PRDM10: variants seen among roughly 807,000 people sequenced by gnomAD.
PRDM10 encodes the protein PR domain zinc finger protein 10.
Under a neutral mutation model 133.1 loss-of-function variants are expected in PRDM10, and 65 were observed. The observed-to-expected ratio is 0.49, with a 90% confidence interval of 0.40 to 0.60. The LOEUF is 0.60. Among genes scored for constraint, PRDM10 ranks in the 20% least tolerant of loss-of-function variants. The pLI is 0.00. For synonymous variants in PRDM10, 582 were observed against 580.4 expected, an observed-to-expected ratio of 1.00 and a Z score of -0.04; for missense variants, 1,137 against 1,507.1, an observed-to-expected ratio of 0.75 and a Z score of 4.07.
In PRDM10 at chr11:129,923,516, A is replaced by G; in HGVS notation, c.1879-113T>C. The G allele has an allele frequency of 3.4e-6, 4 of 1,172,778 alleles. No individual in the cohort carries two copies. The highest frequency in any genetic ancestry group is 4.6e-6 in the Non-Finnish European group (4 of 862,522). The allele number at this position is 1,172,778 out of a possible 1,614,324, so 72.6% of individuals were successfully genotyped here. A position where few individuals can be genotyped will look rare whatever the true frequency, so the allele number is the denominator to read the frequency against. ...AACGCATTACCATGGGTTTTCATCAACCCCGCCGAGGAATCCAATCAGATG... is the reference window on the plus strand; with the variant it reads ...AACGCATTACCATGGGTTTTCATCAGCCCCGCCGAGGAATCCAATCAGATG... On this transcript the variant is annotated intron_variant, in intron 12 of 20. Transcript: ENST00000360871. This position sits in a 1 kb window ranked among gnomAD's most constrained non-coding sequence, Gnocchi z 4.4.
At chr11:129,991,181 G>GT (rs1490841059) in intron 1 of PRDM10, among the ~76,000 whole-genome samples, 3 of 152,188 alleles carry the variant, frequency 2.0e-5, no homozygotes, top group Non-Finnish European at 2.9e-5. Flanking sequence ...TATTTAAATT[G>GT]TGAGGACCAT....
intron 1 of PRDM10, among the ~76,000 whole-genome samples, chr11:129,977,075 T>C (rs1283722335): frequency 6.6e-6 from 1 of 152,032 alleles, no homozygotes; most frequent in Admixed American, 6.6e-5. Flanking sequence ...GGTGGCCTTC[T>C]TCTCTACACC....
Position 129,932,152 on chromosome 11 carries a change from G to T in PRDM10, c.1237C>A (p.Arg413Ser). ...RRPGRPPKFI[R>S]LEITSENGEK... ...CCATTTTCGCTGGTGATTTCCAGGC[G>T]GATAAATTTTGGAGGACGCCCCGGC... The change falls in exon 10 of 21, where the codon CGC becomes AGC. Residue 413 changes from arginine to serine, a missense_variant. Coordinates refer to ENST00000360871, the MANE Select transcript of PRDM10 (RefSeq NM_199437.2). The T allele has an allele frequency of 6.2e-7, 1 of 1,614,026 alleles. No individual in the cohort carries two copies. The highest frequency in any genetic ancestry group is 8.5e-7 in the Non-Finnish European group (1 of 1,179,990).
intron 11 of PRDM10, among the ~76,000 whole-genome samples, chr11:129,925,512 G>A (rs1346181253): frequency 6.6e-6 from 1 of 152,174 alleles, no homozygotes; most frequent in Non-Finnish European, 1.5e-5. Flanking sequence ...CAAAAAAAGT[G>A]TTCCCAATAG....
chr11:129,932,130 T>C lies in PRDM10; in HGVS notation c.1259A>G (p.Asn420Ser). ...TGTCCCATCGTCACTCTTTTCCCCA[T>C]TTTCGCTGGTGATTTCCAGGCGGAT... Reference protein sequence around the residue: ...KFIRLEITSENGEKSDDGTQD... With the variant: ...KFIRLEITSESGEKSDDGTQD... Residue 420 changes from asparagine to serine, a missense_variant, in exon 10 of 21, where the codon AAT (asparagine) becomes AGT (serine). Physicochemically the swap from Asn to Ser is conservative, Grantham distance 46. Coordinates refer to ENST00000360871, the MANE Select transcript of PRDM10 (RefSeq NM_199437.2). 6.2e-7 allele frequency: 1 copy of C among 1,614,024 alleles called. No individual in the cohort carries two copies. The highest frequency in any genetic ancestry group is 8.5e-7 in the Non-Finnish European group (1 of 1,179,956).
chr11:129,935,982 TTG>T (rs1467823647), intron 8 of PRDM10, among the ~76,000 whole-genome samples: 6 of 152,182 alleles, frequency 3.9e-5, no homozygotes, highest in Non-Finnish European at 7.3e-5. Context: ...AAGCTCAACC[TTG>T]TAATTAGAAA....
intron 1 of PRDM10, among the ~76,000 whole-genome samples, chr11:129,987,722 C>T (rs1030411251): frequency 5.9e-5 from 9 of 152,098 alleles, no homozygotes; most frequent in African/African-American, 1.9e-4. Flanking sequence ...ATGAAGACGC[C>T]GGGTGTGGTG....
chr11:129,910,568 C>T lies in PRDM10; in HGVS notation c.3071G>A (p.Gly1024Glu). The T allele has an allele frequency of 6.2e-7, 1 of 1,613,910 alleles. No individual in the cohort carries two copies. The highest frequency in any genetic ancestry group is 8.5e-7 in the Non-Finnish European group (1 of 1,179,904). The stretch of plus-strand genomic sequence containing the variant: ...CTGCTGCTGCTGCTGCAGAGCCTGC[C>T]CCTGTGTGGAAGAACTGCCCTGGAT... Reference protein sequence around the residue: ...SHIQGSSSTQGQALQQQQQQQ... With the variant: ...SHIQGSSSTQEQALQQQQQQQ... The change falls in exon 19 of 21, where the codon GGG becomes GAG. Residue 1024 changes from glycine (G) to glutamate (E), a missense_variant. Physicochemically the swap from Gly to Glu is moderately conservative, Grantham distance 98. Transcript: ENST00000360871.
At chr11:130,001,100 T>C (rs1330548411) in intron 1 of PRDM10, among the ~76,000 whole-genome samples, 1 of 152,104 alleles carries the variant, frequency 6.6e-6, no homozygotes, top group African/African-American at 2.4e-5. Flanking sequence ...AGAGACCCTG[T>C]CTCCTAAATA....
At chr11:129,983,188 G>C (rs973120214) in intron 1 of PRDM10, among the ~76,000 whole-genome samples, 4 of 151,916 alleles carry the variant, frequency 2.6e-5, no homozygotes, top group Non-Finnish European at 5.9e-5. Context: ...ATGTTGGCCA[G>C]ACTGGTCTCG....
chr11:129,967,226 T>TA (rs927628631), intron 1 of PRDM10, among the ~76,000 whole-genome samples: 50 of 151,570 alleles, frequency 3.3e-4, no homozygotes, highest in African/African-American at 1.2e-3. Context: ...CCATCTCTAC[T>TA]AAAAAAAATA....
chr11:129,902,149 G>T lies in PRDM10; in HGVS notation c.*164C>A. The stretch of plus-strand genomic sequence containing the variant: ...TTTGAAGAGTCAATTTGATAAAGAT[G>T]ACCTTGGCAAAATAAACCCCAGTGT... On this transcript the variant is annotated 3_prime_UTR_variant, in exon 21 of 21. Transcript: ENST00000360871. 1 of 941,040 alleles carries T rather than the reference G, an allele frequency of 1.1e-6. No individual in the cohort carries two copies. The highest frequency in any genetic ancestry group is 1.5e-6 in the Non-Finnish European group (1 of 658,710). 58.3% of individuals were successfully genotyped at this position (941,040 alleles called of 1,614,324 possible).
At chr11:129,993,493 CTTT>C (rs562076430) in intron 1 of PRDM10, among the ~76,000 whole-genome samples, 1 of 151,194 alleles carries the variant, frequency 6.6e-6, no homozygotes, top group Non-Finnish European at 1.5e-5. Flanking sequence ...ATTACACTAT[CTTT>C]TTTTTTGAGA....
intron 7 of PRDM10, 56 bp downstream of exon 7, chr11:129,942,370 G>A (rs1476252763): frequency 6.6e-7 from 1 of 1,525,368 alleles, no homozygotes. Context: ...ATTGCAAAAA[G>A]CCCTAAACAA....
intron 11 of PRDM10, among the ~76,000 whole-genome samples, chr11:129,927,240 A>G (rs1422643940): frequency 6.8e-6 from 1 of 147,580 alleles, no homozygotes; most frequent in Non-Finnish European, 1.5e-5. Context: ...CAAATCAGCC[A>G]CAGGGCTTGC....
rs1377372874 is a variant in PRDM10, at chr11:129,918,721, A to G, written c.2035-3T>C. ...TGTTCCCGTAGTTTGTCTTTTCGCT[A>G]TTTGGAGAGTATTTTTGAAAACGGG... On this transcript the variant is annotated splice_polypyrimidine_tract_variant and splice_region_variant and intron_variant, in intron 13 of 20. Transcript: ENST00000360871. This position sits in a 1 kb window ranked among gnomAD's most constrained non-coding sequence, Gnocchi z 5.3. 4 of 1,601,442 alleles carry G rather than the reference A, an allele frequency of 2.5e-6. No individual in the cohort carries two copies. In the East Asian group the frequency reaches 6.7e-5, roughly 27 times the overall value.
At chr11:129,929,288 G>A in intron 11 of PRDM10, 2 of 835,308 alleles carry the variant, frequency 2.4e-6, no homozygotes, top group Non-Finnish European at 3.6e-6. Context: ...TCATTAATTT[G>A]CATTTACTGT....
chr11:129,913,809 C>A lies in PRDM10; in HGVS notation c.2841+895G>T, dbSNP rs181650710. On this transcript the variant is annotated intron_variant, in intron 17 of 20. Coordinates refer to ENST00000360871, the MANE Select transcript of PRDM10 (RefSeq NM_199437.2). ...ATGTTAGTTTTAAATTTTCAGAGAC[C>A]AAATGATTTCAAAGCAACAAGTTTG... Among the ~76,000 whole-genome samples the A allele has an allele frequency of 3.2e-3, 484 of 152,270 alleles. 4 individuals are homozygous for A. Among genetic ancestry groups the A allele is most frequent in the Non-Finnish European group, 4.4e-3 (300 of 68,028 alleles).
chr11:129,917,032 A>G, intron 15 of PRDM10, 95 bp downstream of exon 15: 1 of 803,862 alleles, frequency 1.2e-6, no homozygotes, highest in South Asian at 2.2e-5. Flanking sequence ...TGGTAAGAGT[A>G]ACAAAAAAAT....
Sources: allele counts gnomAD v4.1 joint callset (sites outside exome capture counted in the v4.1 genomes callset), GRCh38; gene constraint gnomAD v4.1.1; non-coding constraint Gnocchi (gnomAD v3.1); transcripts MANE v1.5; gene names NCBI Gene and HGNC (gene_info 2026-07-23, HGNC 2026-07-21).